The following PGBD1 variants were observed in gnomAD, a reference collection of about 807,000 sequenced individuals.
The protein encoded by PGBD1 is piggyBac transposable element-derived protein 1.
In PGBD1, 25 loss-of-function variants were observed where a neutral mutation model predicts 34.7. The observed-to-expected ratio is 0.72, with a 90% confidence interval of 0.52 to 1.00. PGBD1 has a LOEUF of 1.00. Ranked by LOEUF, PGBD1 falls within the 50% of genes least tolerant of loss-of-function variation. The pLI, the probability that PGBD1 is intolerant of heterozygous loss-of-function variation, is 0.00. For missense variants in PGBD1, 830 were observed against 959.4 expected (o/e 0.87, Z 1.78); for synonymous variants, 292 against 335.7 (o/e 0.87, Z 1.42).
chr6:28,293,049 T>A (rs1271988062), intron 4 of PGBD1, among the ~76,000 whole-genome samples: 2 of 152,160 alleles, frequency 1.3e-5, no homozygotes, highest in Non-Finnish European at 2.9e-5. Flanking sequence ...TTCAAGTGAT[T>A]CTCCTGCCTC....
In PGBD1 at chr6:28,284,149, A is replaced by G; in HGVS notation, c.336A>G (p.Gly112=). 6.2e-7 allele frequency: 1 copy of G among 1,604,236 alleles called. No homozygotes were observed. Reference sequence around the variant, plus strand: ...TGAAGACATATCCTCTGGAGAGTGGAGAGGAGGCAGTGACAGTGCTGGAGA... The same window carrying G: ...TGAAGACATATCCTCTGGAGAGTGGGGAGGAGGCAGTGACAGTGCTGGAGA... ...PCVKTYPLES[G]EEAVTVLENL... The change falls in exon 2 of 7, where the codon GGA becomes GGG. Residue 112 remains glycine (G), a synonymous_variant. Coordinates refer to ENST00000682144, the MANE Select transcript of PGBD1 (RefSeq NM_032507.4).
At position 28,298,110 on chromosome 6, in the gene PGBD1, T is replaced by C. The variant is rs1762715691; in HGVS notation, c.869+119T>C. On this transcript the variant is annotated intron_variant, in intron 6 of 6. Transcript: ENST00000682144. ...TGGAATAAGATATGACAACTGCCACTCACTTCTGTGATCATAGGAGGTCCA... is the reference window on the plus strand; with the variant it reads ...TGGAATAAGATATGACAACTGCCACCCACTTCTGTGATCATAGGAGGTCCA... The C allele has an allele frequency of 6.7e-6, 5 of 743,708 alleles. No homozygotes were observed. The Admixed American group carries it at 1.4e-4, about 21-fold the overall frequency. 46.1% of individuals were successfully genotyped at this position (743,708 alleles called of 1,614,324 possible).
rs781781322 is a variant in PGBD1, at chr6:28,297,921, T to G, written c.799T>G (p.Leu267Val). The G allele has an allele frequency of 5.9e-5, 93 of 1,588,608 alleles. No individual in the cohort carries two copies. The highest frequency in any genetic ancestry group is 7.4e-5 in the Non-Finnish European group (86 of 1,163,164). ...MTEEIVTKDRLFKAKQETSEE... is the reference protein window; with the variant it reads ...MTEEIVTKDRVFKAKQETSEE... The stretch of plus-strand genomic sequence containing the variant: ...TGAAGAAATTGTAACTAAAGATAGA[T>G]TGTTTAAAGCAAAGCAAGAAACTTC... The change falls in exon 6 of 7, where the codon TTG (leucine) becomes GTG (valine). Residue 267 changes from leucine to valine, a missense_variant. Physicochemically the swap from Leu to Val is conservative, Grantham distance 32. Around this residue, in one of 3 missense-constraint regions of PGBD1, gnomAD observed 457 missense variants for 515.4 expected, o/e 0.89. Transcript: ENST00000682144.
At chr6:28,298,227 T>C (rs1035414020) in intron 6 of PGBD1, among the ~76,000 whole-genome samples, 6 of 152,176 alleles carry the variant, frequency 3.9e-5, no homozygotes, top group African/African-American at 1.4e-4. Context: ...AAGCCTATCC[T>C]GATCCAGTCT....
chr6:28,287,972 A>G (rs1150720), intron 4 of PGBD1, among the ~76,000 whole-genome samples: 34,541 of 152,200 alleles, frequency 0.23, 4,950 homozygotes, highest in African/African-American at 0.4. Flanking sequence ...TAGTGTTTCA[A>G]AATGCAAGTG....
chr6:28,286,757 C>G (rs1046789215), intron 3 of PGBD1, among the ~76,000 whole-genome samples: 3 of 152,018 alleles, frequency 2.0e-5, no homozygotes, highest in Non-Finnish European at 4.4e-5. Context: ...TTGATCCTTC[C>G]TTTATCACCA....
At position 28,301,075 on chromosome 6, in the gene PGBD1, T is replaced by C. The variant is rs1762822763; in HGVS notation, c.1221T>C (p.Ser407=). ...TTCCAAGCTGGTCAGCACTGGATTC[T>C]GGACTTTTGAATCTCAAGAGCGAAA... is the stretch of plus-strand genomic sequence containing the variant. ...PNFPSWSALD[S]GLLNLKSEKL... Residue 407 remains serine (S), a synonymous_variant, in exon 7 of 7, where the codon TCT becomes TCC. Transcript: ENST00000682144. 2 of 1,614,116 alleles carry C rather than the reference T, an allele frequency of 1.2e-6. No homozygotes were observed. The highest frequency in any genetic ancestry group is 2.7e-5 in the African/African-American group (2 of 74,956).
intron 4 of PGBD1, among the ~76,000 whole-genome samples, chr6:28,290,822 A>G (rs1470666975): frequency 6.6e-6 from 1 of 152,214 alleles, no homozygotes; most frequent in Non-Finnish European, 1.5e-5. Context: ...AAACGCGTGG[A>G]AATTAAATAG....
Position 28,302,355 on chromosome 6 carries a change from C to T in PGBD1, c.*71C>T. ...AATAATAATTATACATGCTGTTGTA[C>T]CCTCCCAAAGTAAATCTGATATATG... On this transcript the variant is annotated 3_prime_UTR_variant, in exon 7 of 7. Coordinates refer to ENST00000682144, the MANE Select transcript of PGBD1 (RefSeq NM_032507.4). The T allele has an allele frequency of 6.9e-7, 1 of 1,442,000 alleles. No individual in the cohort carries two copies. Among genetic ancestry groups the T allele is most frequent in the South Asian group, 1.4e-5 (1 of 72,294 alleles). 89.3% of individuals were successfully genotyped at this position (1,442,000 alleles called of 1,614,324 possible). A position where few individuals can be genotyped will look rare whatever the true frequency, so the allele number is the denominator to read the frequency against.
chr6:28,301,757 T>A lies in PGBD1; in HGVS notation c.1903T>A (p.Leu635Met). The A allele has an allele frequency of 6.2e-7, 1 of 1,614,170 alleles. No individual in the cohort carries two copies. Among genetic ancestry groups the A allele is most frequent in the Non-Finnish European group, 8.5e-7 (1 of 1,180,026 alleles). Residue 635 changes from leucine (L) to methionine (M), a missense_variant, in exon 7 of 7, where the codon TTG becomes ATG. By Grantham distance (15) the Leu-to-Met change is conservative. Coordinates refer to ENST00000682144, the MANE Select transcript of PGBD1 (RefSeq NM_032507.4). ...CFDSFFTSVKLLSALKKKGVR... is the reference protein window; with the variant it reads ...CFDSFFTSVKMLSALKKKGVR... ...TGATAGCTTCTTTACAAGTGTCAAATTGTTGTCAGCCTTGAAAAAGAAGGG... is the reference window on the plus strand; with the variant it reads ...TGATAGCTTCTTTACAAGTGTCAAAATGTTGTCAGCCTTGAAAAAGAAGGG...
Position 28,301,965 on chromosome 6 carries a change from T to G in PGBD1, c.2111T>G (p.Ile704Arg). The part of the protein sequence containing the change: ...IISLCSNAVG[I>R]EPVNEVSCCD... ...AGTCTGTGCTCCAATGCTGTGGGCA[T>G]AGAACCAGTCAATGAGGTAAGCTGT... is the stretch of plus-strand genomic sequence containing the variant. The change falls in exon 7 of 7, where the codon ATA (isoleucine) becomes AGA (arginine). Residue 704 changes from isoleucine (I) to arginine (R), a missense_variant. Ile to Arg is a moderately conservative substitution (Grantham distance 97). This residue lies in a region of PGBD1 where 372 missense variants were observed against 427.9 expected (regional missense o/e 0.87). Coordinates refer to ENST00000682144, the MANE Select transcript of PGBD1 (RefSeq NM_032507.4). 6.2e-7 allele frequency: 1 copy of G among 1,614,194 alleles called. No individual in the cohort carries two copies. The highest frequency in any genetic ancestry group is 8.5e-7 in the Non-Finnish European group (1 of 1,180,020).
chr6:28,300,669 G>T lies in PGBD1; in HGVS notation c.870-55G>T. 6.6e-7 allele frequency: 1 copy of T among 1,524,638 alleles called. No homozygotes were observed. Among genetic ancestry groups the T allele is most frequent in the Non-Finnish European group, 8.8e-7 (1 of 1,130,182 alleles). 94.4% of individuals were successfully genotyped at this position (1,524,638 alleles called of 1,614,324 possible). ...ATTTAAGCTTCAGCAGATTTATCAT[G>T]TGTGAGAGAATATGATTGAGGATTT... On this transcript the variant is annotated intron_variant, in intron 6 of 6. Coordinates refer to ENST00000682144, the MANE Select transcript of PGBD1 (RefSeq NM_032507.4). This position sits in a 1 kb window ranked among gnomAD's most constrained non-coding sequence, Gnocchi z 4.0.
intron 1 of PGBD1, among the ~76,000 whole-genome samples, chr6:28,283,208 C>T (rs9468325): frequency 0.055 from 8,329 of 152,266 alleles, 277 homozygotes; most frequent in East Asian, 0.12. Flanking sequence ...AGAGCTACAG[C>T]AGCACTCTCT....
At position 28,302,213 on chromosome 6, in the gene PGBD1, C is replaced by T; in HGVS notation, c.2359C>T (p.Leu787=). 1.9e-6 allele frequency: 3 copies of T among 1,614,102 alleles called. No individual in the cohort carries two copies. The highest frequency in any genetic ancestry group is 2.2e-5 in the East Asian group (1 of 44,872). The change falls in exon 7 of 7, where the codon CTA becomes TTA. Residue 787 remains leucine, a synonymous_variant. Transcript: ENST00000682144. ...LHRACNPGAS[L]DPLDFRRFVA... ...CAGAGCCTGTAACCCAGGTGCTTCTCTAGACCCCTTGGATTTTCGGAGATT... is the reference window on the plus strand; with the variant it reads ...CAGAGCCTGTAACCCAGGTGCTTCTTTAGACCCCTTGGATTTTCGGAGATT...
chr6:28,302,307 C>A lies in PGBD1; in HGVS notation c.*23C>A. 6.3e-7 allele frequency: 1 copy of A among 1,586,028 alleles called. No homozygotes were observed. Among genetic ancestry groups the A allele is most frequent in the Non-Finnish European group, 8.6e-7 (1 of 1,164,376 alleles). On this transcript the variant is annotated 3_prime_UTR_variant, in exon 7 of 7. Coordinates refer to ENST00000682144, the MANE Select transcript of PGBD1 (RefSeq NM_032507.4). ...TAGGGTACATAAAATGGACATAGTGCAGACATTAATAAGACATAGAAAAAT... is the reference window on the plus strand; with the variant it reads ...TAGGGTACATAAAATGGACATAGTGAAGACATTAATAAGACATAGAAAAAT...
chr6:28,301,626 CTA>C lies in PGBD1; in HGVS notation c.1774_1775del (p.Met592GlufsTer4). 3.7e-6 allele frequency: 6 copies of C among 1,614,132 alleles called. No individual in the cohort carries two copies. Among genetic ancestry groups the C allele is most frequent in the Non-Finnish European group, 5.1e-6 (6 of 1,180,020 alleles). On this transcript the variant is annotated frameshift_variant, in exon 7 of 7. Transcript: ENST00000682144. LOFTEE classifies it low-confidence loss of function (END_TRUNC). The stretch of plus-strand genomic sequence containing the variant: ...TTTGAACCCTATCAAGAAGAATCAA[CTA>C]TGAAGGTAGATGAGGATCCTGATCT...
At chr6:28,297,816 GTTTTTTTTTTTTT>G (rs368634720) in intron 5 of PGBD1, 66 bp from the exon 6 acceptor site, 54 of 350,500 alleles carry the variant, frequency 1.5e-4, no homozygotes, top group East Asian at 1.3e-3. Flanking sequence ...TACCCTGGAA[GTTTTTTTTTTTTT>G]TTTTTTTTTT....
Position 28,301,425 on chromosome 6 carries a change from C to T in PGBD1, c.1571C>T (p.Pro524Leu). 1 of 1,613,926 alleles carries T rather than the reference C, an allele frequency of 6.2e-7. No homozygotes were observed. Among genetic ancestry groups the T allele is most frequent in the Non-Finnish European group, 8.5e-7 (1 of 1,180,008 alleles). The change falls in exon 7 of 7, where the codon CCT (proline) becomes CTT (leucine). Residue 524 changes from proline (P) to leucine (L), a missense_variant. By Grantham distance (98) the Pro-to-Leu change is moderately conservative (BLOSUM62 -3). Coordinates refer to ENST00000682144, the MANE Select transcript of PGBD1 (RefSeq NM_032507.4). ...AAAGATAAGTTTACAAAGTTGAGAC[C>T]TCTCATAAAACAAATGAATAAAAAT... ...DQKDKFTKLR[P>L]LIKQMNKNFL...
intron 5 of PGBD1, among the ~76,000 whole-genome samples, chr6:28,297,663 C>G (rs953092511): frequency 1.3e-5 from 2 of 152,186 alleles, no homozygotes; most frequent in Non-Finnish European, 2.9e-5. Flanking sequence ...GTTGGGCCCT[C>G]TCTGCAGCTG....
Sources: gnomAD v4.1 joint callset for allele counts (sites outside exome capture counted in the v4.1 genomes callset) on GRCh38, gnomAD v4.1.1 for gene constraint, gnomAD v4.1.1 regional missense constraint, Gnocchi (gnomAD v3.1) non-coding constraint, MANE v1.5 for transcripts, NCBI Gene and HGNC (gene_info 2026-07-23, HGNC 2026-07-21) for gene names.